TM4SF4: variants seen among roughly 807,000 people sequenced by gnomAD.
TM4SF4 encodes the protein transmembrane 4 L six family member 4, also known as transmembrane 4 L6 family member 4.
In TM4SF4, 24 loss-of-function variants were observed where a neutral mutation model predicts 24.1. The observed-to-expected ratio is 1.00, with a 90% CI of 0.72 to 1.40. The LOEUF is 1.40. Ranked by LOEUF, TM4SF4 falls within the 40% of genes most tolerant of loss-of-function variation. TM4SF4 has a pLI of 0.00. For synonymous variants in TM4SF4, 113 were observed against 97.0 expected (o/e 1.17, Z -0.97); for missense variants, 254 against 254.2 (o/e 1.00, Z 0.01).
chr3:149,481,805 T>G (rs13067320), intron 2 of TM4SF4, among the ~76,000 whole-genome samples: 54,439 of 152,068 alleles, frequency 0.36, 10,273 homozygotes, highest in Non-Finnish European at 0.42. Context: ...GGGAAACATT[T>G]GCAGTGTATG....
intron 3 of TM4SF4, among the ~76,000 whole-genome samples, chr3:149,497,936 C>T (rs747900826): frequency 5.3e-5 from 8 of 152,146 alleles, no homozygotes; most frequent in Non-Finnish European, 8.8e-5. Context: ...TGAGTCACCG[C>T]GCCCGGCCAC....
chr3:149,486,686 T>C (rs1302580113), intron 2 of TM4SF4, among the ~76,000 whole-genome samples: 1 of 152,222 alleles, frequency 6.6e-6, no homozygotes, highest in African/African-American at 2.4e-5. Flanking sequence ...GAAAAATATT[T>C]AAAAGAATGG....
chr3:149,486,484 A>G (rs889971581), intron 2 of TM4SF4, among the ~76,000 whole-genome samples: 1 of 152,154 alleles, frequency 6.6e-6, no homozygotes, highest in African/African-American at 2.4e-5. Context: ...TCTACTTTCT[A>G]GTTACTGTCT....
intron 2 of TM4SF4, among the ~76,000 whole-genome samples, chr3:149,486,166 A>G (rs1201621627): frequency 6.6e-6 from 1 of 152,198 alleles, no homozygotes; most frequent in Non-Finnish European, 1.5e-5. Context: ...CATCCCAGAT[A>G]TGTACTATGA....
intron 2 of TM4SF4, among the ~76,000 whole-genome samples, chr3:149,486,789 T>G (rs1734123551): frequency 6.6e-6 from 1 of 152,198 alleles, no homozygotes; most frequent in Admixed American, 6.5e-5. Flanking sequence ...TTTTAAAGAC[T>G]GATGCCAAAT....
chr3:149,475,053 T>C lies in TM4SF4; in HGVS notation c.174+2T>C. ...GGAATATTAGGAAGCGGTGTCTTGG[T>C]GAGTAGGGAAGCTTAAAATCCCCCT... is the stretch of plus-strand genomic sequence containing the variant. On this transcript the variant is annotated splice_donor_variant, in intron 1 of 4. Transcript: ENST00000305354. LOFTEE classifies it high-confidence loss of function. The C allele has an allele frequency of 6.4e-7, 1 of 1,563,486 alleles. No homozygotes were observed. The highest frequency in any genetic ancestry group is 8.7e-7 in the Non-Finnish European group (1 of 1,149,234).
At chr3:149,480,804 T>C (rs11713975) in intron 2 of TM4SF4, among the ~76,000 whole-genome samples, 26,703 of 152,112 alleles carry the variant, frequency 0.18, 3,643 homozygotes, top group East Asian at 0.46. Context: ...TTTCCAGATG[T>C]TTTCTCCCTA....
chr3:149,477,253 T>C (rs1733948990), intron 2 of TM4SF4, among the ~76,000 whole-genome samples: 2 of 152,236 alleles, frequency 1.3e-5, no homozygotes, highest in Admixed American at 1.3e-4. Flanking sequence ...CATATAGTGA[T>C]ATAAATGAAC....
At chr3:149,495,703 T>C in intron 3 of TM4SF4, 1 of 240,004 alleles carries the variant, frequency 4.2e-6, no homozygotes, top group Non-Finnish European at 8.7e-6. Flanking sequence ...ACCCCTCTGC[T>C]GCTAGTCACA....
At chr3:149,497,233 C>T (rs1734327358) in intron 3 of TM4SF4, among the ~76,000 whole-genome samples, 1 of 152,178 alleles carries the variant, frequency 6.6e-6, no homozygotes, top group South Asian at 2.1e-4. Flanking sequence ...AAGCACTTTA[C>T]TCATACTAAC....
intron 2 of TM4SF4, among the ~76,000 whole-genome samples, chr3:149,478,720 A>T (rs1156575726): frequency 6.6e-6 from 1 of 152,226 alleles, no homozygotes; most frequent in Non-Finnish European, 1.5e-5. Flanking sequence ...CATGCTGGGT[A>T]GCCAGCAGAA....
intron 3 of TM4SF4, among the ~76,000 whole-genome samples, chr3:149,491,935 A>G (rs1376505437): frequency 1.3e-5 from 2 of 152,168 alleles, no homozygotes; most frequent in Non-Finnish European, 2.9e-5. Flanking sequence ...GGGCCGCCAC[A>G]CGATGTGGTG....
intron 2 of TM4SF4, among the ~76,000 whole-genome samples, chr3:149,478,685 G>A (rs1259467285): frequency 3.3e-5 from 5 of 152,188 alleles, no homozygotes; most frequent in Admixed American, 6.5e-5. Flanking sequence ...CACCTAGCAC[G>A]GCTGCCCTGG....
chr3:149,483,540 A>C (rs972985655), intron 2 of TM4SF4, among the ~76,000 whole-genome samples: 2 of 151,804 alleles, frequency 1.3e-5, no homozygotes, highest in Admixed American at 1.3e-4. Flanking sequence ...AAAAAAAACC[A>C]AAAACTTATA....
chr3:149,498,751 A>G lies in TM4SF4; in HGVS notation c.431A>G (p.Asn144Ser), dbSNP rs772247306. 5 of 1,613,994 alleles carry G rather than the reference A, an allele frequency of 3.1e-6. No individual in the cohort carries two copies. Among genetic ancestry groups the G allele is most frequent in the Non-Finnish European group, 4.2e-6 (5 of 1,179,872 alleles). Residue 144 changes from asparagine (N) to serine (S), a missense_variant, in exon 4 of 5, where the codon AAC becomes AGC. By Grantham distance (46) the Asn-to-Ser change is conservative. Coordinates refer to ENST00000305354, the MANE Select transcript of TM4SF4 (RefSeq NM_004617.4). Reference protein sequence around the residue: ...GDYLNDEALWNKCREPLNVVP... With the variant: ...GDYLNDEALWSKCREPLNVVP... ...TATCTCAATGATGAGGCCTTATGGA[A>G]CAAGTGCCGAGAGCCTCTCAATGTG...
At chr3:149,477,255 T>C (rs759714159) in intron 2 of TM4SF4, among the ~76,000 whole-genome samples, 8 of 152,226 alleles carry the variant, frequency 5.3e-5, no homozygotes, top group Non-Finnish European at 1.2e-4. Flanking sequence ...TATAGTGATA[T>C]AAATGAACAC....
At chr3:149,475,704 G>T in intron 1 of TM4SF4, 119 bp from the exon 2 acceptor site, 1 of 785,394 alleles carries the variant, frequency 1.3e-6, no homozygotes. Flanking sequence ...CTGTTACTTT[G>T]CCATTCCCTT....
chr3:149,485,791 T>TAAAAGC (rs147604446), intron 2 of TM4SF4, among the ~76,000 whole-genome samples: 2 of 150,552 alleles, frequency 1.3e-5, no homozygotes, highest in Non-Finnish European at 3.0e-5. Context: ...AGACCCTGTC[T>TAAAAGC]AAAAACAAAA....
At chr3:149,478,390 C>T (rs1015834401) in intron 2 of TM4SF4, among the ~76,000 whole-genome samples, 3 of 152,158 alleles carry the variant, frequency 2.0e-5, no homozygotes, top group African/African-American at 4.8e-5. Flanking sequence ...GGTGATCCAC[C>T]CACCTCGTCA....
Sources: allele counts gnomAD v4.1 joint callset (sites outside exome capture counted in the v4.1 genomes callset), GRCh38; gene constraint gnomAD v4.1.1; transcripts MANE v1.5; gene names NCBI Gene and HGNC (gene_info 2026-07-23, HGNC 2026-07-21).